Variants in KCNT2 observed in about 807,000 individuals in gnomAD.
KCNT2 encodes potassium channel subfamily T member 2.
In KCNT2, 67 loss-of-function variants were observed where a neutral mutation model predicts 153.8. The observed-to-expected ratio is 0.44, with a 90% CI of 0.36 to 0.53. KCNT2 has a LOEUF of 0.53. Among genes scored for constraint, KCNT2 ranks in the 20% least tolerant of loss-of-function variants. KCNT2 has a pLI of 0.00. For missense variants in KCNT2, 975 were observed against 1,354.8 expected, an observed-to-expected ratio of 0.72 and a Z score of 4.40; for synonymous variants, 500 against 458.8, an observed-to-expected ratio of 1.09 and a Z score of -1.15.
intron 1 of KCNT2, among the ~76,000 whole-genome samples, chr1:196,604,095 G>T (rs1441024533): frequency 6.6e-6 from 1 of 152,202 alleles, no homozygotes; most frequent in Non-Finnish European, 1.5e-5. Flanking sequence ...ATTGAATGTT[G>T]AATGCCTTGA....
chr1:196,297,570 T>C (rs1660791211), intron 22 of KCNT2, among the ~76,000 whole-genome samples: 1 of 152,206 alleles, frequency 6.6e-6, no homozygotes, highest in African/African-American at 2.4e-5. Context: ...ATATAAATTG[T>C]ATTTATAACT....
chr1:196,338,570 C>T (rs1179325249), intron 16 of KCNT2, among the ~76,000 whole-genome samples: 1 of 151,970 alleles, frequency 6.6e-6, no homozygotes, highest in African/African-American at 2.4e-5. Context: ...TAAGTTAAGT[C>T]ACACTACAGA....
intron 1 of KCNT2, among the ~76,000 whole-genome samples, chr1:196,541,398 A>AT (rs1491144582): frequency 5.3e-4 from 79 of 150,208 alleles, no homozygotes; most frequent in Admixed American, 2.8e-3. Flanking sequence ...ATAAACTAAG[A>AT]TATTTTTTTT....
chr1:196,422,236 G>A (rs1288314833), intron 12 of KCNT2, among the ~76,000 whole-genome samples: 1 of 151,980 alleles, frequency 6.6e-6, no homozygotes, highest in Non-Finnish European at 1.5e-5. Flanking sequence ...ATGTAAAAGA[G>A]TATGCCTATT....
chr1:196,316,100 A>ACAGGGGATAGTG, intron 20 of KCNT2, 74 bp from the exon 21 acceptor site: 1 of 1,389,282 alleles, frequency 7.2e-7, no homozygotes, highest in Non-Finnish European at 9.9e-7. Context: ...AAAGTCTAGC[A>ACAGGGGATAGTG]CTATCCCCTG....
chr1:196,236,729 C>T (rs1461028035), intron 26 of KCNT2, among the ~76,000 whole-genome samples: 5 of 151,434 alleles, frequency 3.3e-5, no homozygotes, highest in Non-Finnish European at 3.0e-5. Context: ...AAAAGCTGAA[C>T]CCTTTTAATT....
intron 4 of KCNT2, 31 bp downstream of exon 4, chr1:196,482,300 G>A (rs746343978): frequency 7.0e-6 from 10 of 1,432,546 alleles, no homozygotes; most frequent in Middle Eastern, 1.8e-4. Flanking sequence ...TAAACCCAGA[G>A]ATATAGGGAT....
chr1:196,379,298 T>A (rs980894147), intron 13 of KCNT2, among the ~76,000 whole-genome samples: 6 of 152,084 alleles, frequency 3.9e-5, no homozygotes, highest in Admixed American at 1.3e-4. Flanking sequence ...TGGCAGGGTG[T>A]GGTGGTTCAT....
At position 196,299,902 on chromosome 1, in the gene KCNT2, C is replaced by T. The variant is rs185953272; in HGVS notation, c.2595+5332G>A. Among the ~76,000 whole-genome samples, 61 of 152,204 alleles carry T rather than the reference C, an allele frequency of 4.0e-4. No individual in the cohort carries two copies. The East Asian group carries it at 9.5e-3, about 24-fold the overall frequency. ...AAGAAAATGTGATATGTATACACAA[C>T]GGAATATTATGGATCTGTAAAAATA... On this transcript the variant is annotated intron_variant, in intron 22 of 27. Transcript: ENST00000294725.
intron 1 of KCNT2, among the ~76,000 whole-genome samples, chr1:196,604,886 G>GT (rs143393621): frequency 0.013 from 2,005 of 152,138 alleles, 27 homozygotes; most frequent in African/African-American, 0.046. Context: ...ATGTGTATGT[G>GT]TTTTTACCTA....
chr1:196,523,679 A>G (rs1185152173), intron 1 of KCNT2, among the ~76,000 whole-genome samples: 1 of 152,202 alleles, frequency 6.6e-6, no homozygotes, highest in Non-Finnish European at 1.5e-5. Context: ...AAAGCATCTG[A>G]TAGAGCCATG....
intron 16 of KCNT2, among the ~76,000 whole-genome samples, chr1:196,334,551 T>G (rs1664821340): frequency 6.9e-6 from 1 of 145,830 alleles, no homozygotes; most frequent in South Asian, 2.2e-4. Context: ...CTCGGCTCAC[T>G]GCAAACTCCT....
At chr1:196,539,822 A>G (rs1387454859) in intron 1 of KCNT2, among the ~76,000 whole-genome samples, 2 of 151,660 alleles carry the variant, frequency 1.3e-5, no homozygotes, top group South Asian at 2.1e-4. Flanking sequence ...AATATAATAC[A>G]TTTAAGTAAA....
At chr1:196,503,488 A>G (rs1016220682) in intron 1 of KCNT2, among the ~76,000 whole-genome samples, 8 of 152,278 alleles carry the variant, frequency 5.3e-5, no homozygotes, top group East Asian at 3.9e-4. Flanking sequence ...TTTTCTCTAT[A>G]CATAAGAGTA....
intron 1 of KCNT2, among the ~76,000 whole-genome samples, chr1:196,540,990 C>T (rs557607844): frequency 6.6e-4 from 101 of 151,882 alleles, no homozygotes; most frequent in African/African-American, 2.2e-3. Context: ...GGAGTGAACC[C>T]GGGAGGTGGA....
chr1:196,279,904 G>A (rs2147864072), intron 25 of KCNT2, among the ~76,000 whole-genome samples: 1 of 151,866 alleles, frequency 6.6e-6, no homozygotes. Context: ...TTCTATATAG[G>A]GATTTATTAA....
intron 16 of KCNT2, 109 bp downstream of exon 16, chr1:196,340,232 G>A (rs1057486899): frequency 2.9e-6 from 2 of 695,528 alleles, no homozygotes; most frequent in Non-Finnish European, 4.6e-6. Context: ...AATGCAGCAT[G>A]TTTGAAATTT....
chr1:196,252,739 T>C (rs968758631), intron 26 of KCNT2, among the ~76,000 whole-genome samples: 8 of 151,512 alleles, frequency 5.3e-5, no homozygotes, highest in Non-Finnish European at 1.2e-4. Flanking sequence ...GGGAAAGCCT[T>C]TTATCATTTT....
chr1:196,352,276 A>T (rs572267615), intron 14 of KCNT2, among the ~76,000 whole-genome samples: 1,742 of 152,156 alleles, frequency 0.011, 17 homozygotes, highest in Non-Finnish European at 0.019. Flanking sequence ...TTTCAGAAGG[A>T]ATGGTACCAG....
Sources: gnomAD v4.1 joint callset for allele counts (sites outside exome capture counted in the v4.1 genomes callset) on GRCh38, gnomAD v4.1.1 for gene constraint, MANE v1.5 for transcripts, NCBI Gene and HGNC (gene_info 2026-07-23, HGNC 2026-07-21) for gene names.